The following CDCA7 variants were observed in gnomAD, a reference collection of about 807,000 sequenced individuals.
The protein encoded by CDCA7 is cell division cycle-associated protein 7.
A neutral mutation model predicts 54.0 loss-of-function variants in CDCA7; 28 were observed. The ratio of observed to expected loss-of-function variants is 0.52; its 90% confidence interval spans 0.38 to 0.71. CDCA7 has a LOEUF of 0.71. Among genes scored for constraint, CDCA7 ranks in the 30% least tolerant of loss-of-function variants. CDCA7 has a pLI of 0.00. For synonymous variants in CDCA7, 180 were observed against 208.2 expected (o/e 0.86, Z 1.16); for missense variants, 484 against 586.0 (o/e 0.83, Z 1.80).
chr2:173,355,204 G>A (rs938420710), intron 1 of CDCA7, among the ~76,000 whole-genome samples: 1 of 152,266 alleles, frequency 6.6e-6, no homozygotes, highest in South Asian at 2.1e-4. Flanking sequence ...TGCGGGCGGC[G>A]TGGAGACTTG....
Position 173,358,721 on chromosome 2 carries a change from C to T in CDCA7, c.31C>T (p.Leu11Phe). The change falls in exon 2 of 10, where the codon CTC (leucine) becomes TTC (phenylalanine). Residue 11 changes from leucine to phenylalanine, a missense_variant. Physicochemically the swap from Leu to Phe is conservative, Grantham distance 22. Coordinates refer to ENST00000306721, the MANE Select transcript of CDCA7 (RefSeq NM_031942.5). ...CTATTTCCATTTGCAGCAGAAAGATCTCAGAGTAAAGAAGAACTTAAAGAA... is the reference window on the plus strand; with the variant it reads ...CTATTTCCATTTGCAGCAGAAAGATTTCAGAGTAAAGAAGAACTTAAAGAA... MDARRVPQKD[L>F]RVKKNLKKFR... 1 of 1,613,074 alleles carries T rather than the reference C, an allele frequency of 6.2e-7. No individual in the cohort carries two copies. The highest frequency in any genetic ancestry group is 8.5e-7 in the Non-Finnish European group (1 of 1,179,518).
chr2:173,365,611 C>T lies in CDCA7; in HGVS notation c.1035+19C>T, dbSNP rs1347538986. On this transcript the variant is annotated intron_variant, in intron 7 of 9. Transcript: ENST00000306721. ...TTCACTGGTGAGAGCCTCTAAATTA[C>T]ACCTGAGAATGTAAACATCTGTGAG... 7.4e-6 allele frequency: 12 copies of T among 1,611,486 alleles called. No homozygotes were observed. The highest frequency in any genetic ancestry group is 1.0e-5 in the Non-Finnish European group (12 of 1,178,792).
At chr2:173,365,107 C>T (rs1477684377) in intron 6 of CDCA7, 118 bp downstream of exon 6, 1 of 1,389,030 alleles carries the variant, frequency 7.2e-7, no homozygotes, top group Non-Finnish European at 9.3e-7. Context: ...TAAATGTTTT[C>T]CTCTAACCAT....
intron 6 of CDCA7, 28 bp downstream of exon 6, chr2:173,365,017 T>C (rs781543958): frequency 6.5e-7 from 1 of 1,537,446 alleles, no homozygotes; most frequent in Non-Finnish European, 8.7e-7. Flanking sequence ...GTACTTGCTC[T>C]TCTGATTCTC....
rs1330774453 is a variant in CDCA7, at chr2:173,363,387, C to T, written c.546C>T (p.Asn182=). Reference sequence around the variant, plus strand: ...CAGAGAATTCTGTGACTGATTCCAACTCCGATTCAGAAGATGAAAGTGGAA... The same window carrying T: ...CAGAGAATTCTGTGACTGATTCCAATTCCGATTCAGAAGATGAAAGTGGAA... ...QPSENSVTDS[N]SDSEDESGMN... The change falls in exon 4 of 10, where the codon AAC becomes AAT. Residue 182 remains asparagine, a synonymous_variant. Transcript: ENST00000306721. The T allele has an allele frequency of 1.2e-6, 2 of 1,614,146 alleles. No homozygotes were observed. The highest frequency in any genetic ancestry group is 1.1e-5 in the South Asian group (1 of 91,090).
chr2:173,355,847 A>G (rs751787853), intron 1 of CDCA7, among the ~76,000 whole-genome samples: 17 of 152,074 alleles, frequency 1.1e-4, no homozygotes, highest in Non-Finnish European at 2.2e-4. Context: ...ATCAGGGGTT[A>G]GGGACCCTCG....
chr2:173,366,542 G>A lies in CDCA7; in HGVS notation c.1185+110G>A. 2 of 1,414,352 alleles carry A rather than the reference G, an allele frequency of 1.4e-6. No homozygotes were observed. The highest frequency in any genetic ancestry group is 1.9e-6 in the Non-Finnish European group (2 of 1,050,476). 87.6% of individuals were successfully genotyped at this position (1,414,352 alleles called of 1,614,324 possible). The stretch of plus-strand genomic sequence containing the variant: ...GGTGGAGCCCTTTCTGTTATGGGGT[G>A]CTCTTCTTTTTTTTTAAGATGGAGT... On this transcript the variant is annotated intron_variant, in intron 8 of 9. Coordinates refer to ENST00000306721, the MANE Select transcript of CDCA7 (RefSeq NM_031942.5). The surrounding 1 kb of genome is among the most constrained non-coding windows in gnomAD (Gnocchi z 4.5).
At chr2:173,358,891 C>G (rs2106388351) in intron 2 of CDCA7, 54 bp downstream of exon 2, 3 of 1,574,870 alleles carry the variant, frequency 1.9e-6, no homozygotes, top group African/African-American at 2.7e-5. Flanking sequence ...CAAAATGCCC[C>G]AGATGCTTTG....
chr2:173,357,511 A>G (rs1399808623), intron 1 of CDCA7, among the ~76,000 whole-genome samples: 1 of 152,220 alleles, frequency 6.6e-6, no homozygotes, highest in Non-Finnish European at 1.5e-5. Context: ...GGAAATCACG[A>G]TAGCCCTCTT....
At chr2:173,362,295 G>A (rs1041959493) in intron 3 of CDCA7, among the ~76,000 whole-genome samples, 1 of 152,168 alleles carries the variant, frequency 6.6e-6, no homozygotes, top group Non-Finnish European at 1.5e-5. Flanking sequence ...TGGTTGCCAG[G>A]GGCGGAGGGA....
At chr2:173,367,549 T>C (rs1390300379) in intron 9 of CDCA7, 85 bp from the exon 10 acceptor site, 4 of 1,515,236 alleles carry the variant, frequency 2.6e-6, no homozygotes, top group Non-Finnish European at 3.7e-6. Flanking sequence ...TCAATAAAAA[T>C]GGTTTTAAAA....
intron 3 of CDCA7, among the ~76,000 whole-genome samples, chr2:173,360,505 G>T (rs1380897018): frequency 6.6e-6 from 1 of 152,180 alleles, no homozygotes; most frequent in Non-Finnish European, 1.5e-5. Flanking sequence ...TTGAGACAGG[G>T]TCTTGCACTG....
chr2:173,362,797 C>T (rs184305540), intron 3 of CDCA7, among the ~76,000 whole-genome samples: 85 of 151,958 alleles, frequency 5.6e-4, no homozygotes, highest in East Asian at 9.7e-4. Flanking sequence ...AGGCTGGTCT[C>T]GAACTCCTAG....
At chr2:173,364,457 A>T in intron 5 of CDCA7, 1 of 180,744 alleles carries the variant, frequency 5.5e-6, no homozygotes, top group Non-Finnish European at 1.1e-5. Context: ...TCTATTTTGC[A>T]GTGTAGAAAC....
intron 1 of CDCA7, 138 bp from the exon 2 acceptor site, chr2:173,358,574 C>T (rs1686557524): frequency 3.3e-6 from 3 of 920,588 alleles, no homozygotes; most frequent in Admixed American, 3.7e-5. Context: ...AGTTAACAAA[C>T]TTCCTTTTCT....
At chr2:173,364,097 G>A in intron 5 of CDCA7, 1 of 470,174 alleles carries the variant, frequency 2.1e-6, no homozygotes, top group Non-Finnish European at 3.7e-6. Flanking sequence ...TGCTCCTGTG[G>A]CACTAAACTC....
rs1686756894 is a variant in CDCA7, at chr2:173,368,116, A to T, written c.*452A>T. 1 of 163,316 alleles carries T rather than the reference A, an allele frequency of 6.1e-6. No individual in the cohort carries two copies. The highest frequency in any genetic ancestry group is 1.8e-4 in the South Asian group (1 of 5,636). The allele number at this position is 163,316 out of a possible 1,614,324, so 10.1% of individuals were successfully genotyped here. Reference sequence around the variant, plus strand: ...TACACAAAAACGAGTATGATTTAGCATTCATACTAGTTGAAATTTTTAATA... The same window carrying T: ...TACACAAAAACGAGTATGATTTAGCTTTCATACTAGTTGAAATTTTTAATA... On this transcript the variant is annotated 3_prime_UTR_variant, in exon 10 of 10. Transcript: ENST00000306721.
intron 1 of CDCA7, among the ~76,000 whole-genome samples, chr2:173,357,530 A>C (rs1054162565): frequency 1.3e-5 from 2 of 152,206 alleles, no homozygotes; most frequent in Admixed American, 1.3e-4. Flanking sequence ...TTGATTGGAA[A>C]GGGGCCTGCT....
intron 3 of CDCA7, among the ~76,000 whole-genome samples, chr2:173,362,873 C>T (rs1427315464): frequency 6.6e-6 from 1 of 152,158 alleles, no homozygotes; most frequent in Non-Finnish European, 1.5e-5. Flanking sequence ...CCACTGCACC[C>T]AGCCAGGAGA....
Sources: gnomAD v4.1 joint callset for allele counts (sites outside exome capture counted in the v4.1 genomes callset) on GRCh38, gnomAD v4.1.1 for gene constraint, Gnocchi (gnomAD v3.1) non-coding constraint, MANE v1.5 for transcripts, NCBI Gene and HGNC (gene_info 2026-07-23, HGNC 2026-07-21) for gene names.